CAMTA1: variants seen among roughly 807,000 people sequenced by gnomAD.
CAMTA1 encodes calmodulin binding transcription activator 1.
Under a neutral mutation model 170.9 loss-of-function variants are expected in CAMTA1, and 27 were observed. The ratio of observed to expected loss-of-function variants is 0.16; its 90% CI spans 0.12 to 0.22. The LOEUF (loss-of-function observed/expected upper bound fraction) is 0.22. Ranked by LOEUF, CAMTA1 falls within the 10% of genes least tolerant of loss-of-function variation. CAMTA1 has a pLI of 1.00. For missense variants in CAMTA1, 1,619 were observed against 2,217.2 expected (o/e 0.73, Z 5.42); for synonymous variants, 833 against 891.5 (o/e 0.93, Z 1.17).
At chr1:6,828,059 G>T (rs961818950) in intron 3 of CAMTA1, among the ~76,000 whole-genome samples, 13 of 152,074 alleles carry the variant, frequency 8.5e-5, no homozygotes, top group Non-Finnish European at 5.9e-5. Flanking sequence ...CTGGTGGCTC[G>T]AGCTGCCTGT....
chr1:6,966,603 T>G (rs987987710), intron 3 of CAMTA1, among the ~76,000 whole-genome samples: 1 of 123,242 alleles, frequency 8.1e-6, no homozygotes, highest in Non-Finnish European at 1.6e-5. Context: ...CCTAAACACT[T>G]TTGAAACCTT....
At chr1:7,188,934 A>C (rs1653994846) in intron 4 of CAMTA1, among the ~76,000 whole-genome samples, 1 of 152,238 alleles carries the variant, frequency 6.6e-6, no homozygotes, top group Admixed American at 6.5e-5. Flanking sequence ...CCAGCAATGC[A>C]CAAGAGTTCC....
chr1:7,228,645 C>G (rs1055295380), intron 4 of CAMTA1, among the ~76,000 whole-genome samples: 1 of 152,200 alleles, frequency 6.6e-6, no homozygotes, highest in African/African-American at 2.4e-5. Context: ...TGTAATGAAG[C>G]AAGAGCACCT....
chr1:7,737,305 G>T lies in CAMTA1; in HGVS notation c.3393G>T (p.Lys1131Asn). 1 of 1,614,206 alleles carries T rather than the reference G, an allele frequency of 6.2e-7. No individual in the cohort carries two copies. Among genetic ancestry groups the T allele is most frequent in the South Asian group, 1.1e-5 (1 of 91,086 alleles). ...TGGAAGCTGCCGTCGTGCTGTACAA[G>T]TGGGACCGTCGGGCCATCTCGATTC... ...GHLEAAVVLY[K>N]WDRRAISIPD... is the part of the protein sequence containing the mutation. The change falls in exon 15 of 23, where the codon AAG becomes AAT. Residue 1131 changes from lysine (K) to asparagine (N), a missense_variant. Lys to Asn is a moderately conservative substitution (Grantham distance 94, BLOSUM62 0). Around this residue, in one of 8 missense-constraint regions of CAMTA1, gnomAD observed 60 missense variants for 128.5 expected, o/e 0.47. Coordinates refer to ENST00000303635, the MANE Select transcript of CAMTA1 (RefSeq NM_015215.4).
intron 6 of CAMTA1, among the ~76,000 whole-genome samples, chr1:7,540,273 A>G (rs1266529085): frequency 6.6e-6 from 1 of 152,166 alleles, no homozygotes; most frequent in Non-Finnish European, 1.5e-5. Context: ...GACACGTAGG[A>G]ATTCCAGCCC....
chr1:7,158,601 A>G (rs536325909), intron 4 of CAMTA1, among the ~76,000 whole-genome samples: 1 of 152,372 alleles, frequency 6.6e-6, no homozygotes, highest in East Asian at 1.9e-4. Flanking sequence ...TCTGAAATGC[A>G]TCAAAAAATA....
chr1:7,372,850 C>T (rs779460993), intron 5 of CAMTA1, among the ~76,000 whole-genome samples: 2 of 152,200 alleles, frequency 1.3e-5, no homozygotes, highest in Admixed American at 6.5e-5. Context: ...TAGAGCCGCC[C>T]GCATAGCCAC....
chr1:6,795,616 C>G (rs1217871631), intron 1 of CAMTA1, among the ~76,000 whole-genome samples: 1 of 152,132 alleles, frequency 6.6e-6, no homozygotes, highest in African/African-American at 2.4e-5. Flanking sequence ...GTTAATTGAG[C>G]TTTTCTCTTT....
rs535958012 is a variant in CAMTA1, at chr1:7,748,538, G to A, written c.4689+757G>A. 5.9e-5 allele frequency among the ~76,000 whole-genome samples: 9 copies of A among 152,322 alleles called. No homozygotes were observed. Among genetic ancestry groups the A allele is most frequent in the South Asian group, 2.1e-4 (1 of 4,828 alleles). ...ACCAGTATCTTTGCAGTGAGGATCCGTGGTCCAATACTTTGATAAACTCCC... is the reference window on the plus strand; with the variant it reads ...ACCAGTATCTTTGCAGTGAGGATCCATGGTCCAATACTTTGATAAACTCCC... On this transcript the variant is annotated intron_variant, in intron 19 of 22. Transcript: ENST00000303635. This position sits in a 1 kb window ranked among gnomAD's most constrained non-coding sequence, Gnocchi z 4.7.
At chr1:7,003,238 C>A (rs2100658026) in intron 3 of CAMTA1, among the ~76,000 whole-genome samples, 1 of 152,304 alleles carries the variant, frequency 6.6e-6, no homozygotes, top group Middle Eastern at 3.4e-3. Flanking sequence ...GGAGAAGGGG[C>A]CAGAAATATT....
intron 4 of CAMTA1, among the ~76,000 whole-genome samples, chr1:7,242,117 CAA>C (rs1156353684): frequency 6.6e-6 from 1 of 152,070 alleles, no homozygotes; most frequent in Non-Finnish European, 1.5e-5. Context: ...AACAAGAAGG[CAA>C]CTCAATTAAA....
chr1:7,573,054 G>GT, intron 6 of CAMTA1, among the ~76,000 whole-genome samples: 1 of 152,288 alleles, frequency 6.6e-6, no homozygotes, highest in Admixed American at 6.5e-5. Flanking sequence ...AGCCATATTT[G>GT]TTTTTCTGGT....
chr1:7,174,833 G>C (rs1373604436), intron 4 of CAMTA1, among the ~76,000 whole-genome samples: 1 of 152,220 alleles, frequency 6.6e-6, no homozygotes. Context: ...GAGGTGCCCT[G>C]TCTGTCCTCG....
chr1:7,516,700 A>G (rs928354286), intron 6 of CAMTA1, among the ~76,000 whole-genome samples: 1 of 152,234 alleles, frequency 6.6e-6, no homozygotes, highest in African/African-American at 2.4e-5. Flanking sequence ...GGTCACACCC[A>G]CAAGAGACCA....
rs1443146940 is a variant in CAMTA1 at position 7,014,069 on chromosome 1, G to C, written c.235-77235G>C. 6.6e-6 allele frequency among the ~76,000 whole-genome samples: 1 copy of C among 152,246 alleles called. No homozygotes were observed. Among genetic ancestry groups the C allele is most frequent in the African/African-American group, 2.4e-5 (1 of 41,470 alleles). On this transcript the variant is annotated intron_variant, in intron 3 of 22. Transcript: ENST00000303635. This position sits in a 1 kb window ranked among gnomAD's most constrained non-coding sequence, Gnocchi z 4.2. ...AGTCCATGTGGGAGATAGGGAACCT[G>C]TCGAGTGCGGTTCTGAAGGGCTTGC...
chr1:7,438,028 G>A (rs2092401948), intron 5 of CAMTA1, among the ~76,000 whole-genome samples: 1 of 152,202 alleles, frequency 6.6e-6, no homozygotes, highest in Non-Finnish European at 1.5e-5. Context: ...GCTGAGAGTG[G>A]GACGTTTGAG....
intron 3 of CAMTA1, among the ~76,000 whole-genome samples, chr1:6,949,603 T>A (rs962399032): frequency 6.6e-6 from 1 of 152,152 alleles, no homozygotes; most frequent in African/African-American, 2.4e-5. Flanking sequence ...AGACCTTACC[T>A]CCTGAAGACC....
chr1:7,617,570 C>G (rs1231544338), intron 6 of CAMTA1, among the ~76,000 whole-genome samples: 1 of 152,046 alleles, frequency 6.6e-6, no homozygotes, highest in Non-Finnish European at 1.5e-5. Flanking sequence ...TGATGAGGTC[C>G]TCAATCTCAG....
At chr1:6,926,570 CT>C (rs1683297894) in intron 3 of CAMTA1, among the ~76,000 whole-genome samples, 1 of 135,180 alleles carries the variant, frequency 7.4e-6, no homozygotes, top group Non-Finnish European at 1.6e-5. Context: ...CTTTCTCTCT[CT>C]CTCCTTCTCT....
Sources: gnomAD v4.1 joint callset for allele counts (sites outside exome capture counted in the v4.1 genomes callset) on GRCh38, gnomAD v4.1.1 for gene constraint, gnomAD v4.1.1 regional missense constraint, Gnocchi (gnomAD v3.1) non-coding constraint, MANE v1.5 for transcripts, NCBI Gene and HGNC (gene_info 2026-07-23, HGNC 2026-07-21) for gene names.